Variants in CASP9 observed in about 807,000 individuals in gnomAD.
The protein encoded by CASP9 is caspase 9, also known as caspase-9.
Under a neutral mutation model 43.5 loss-of-function variants are expected in CASP9, and 29 were observed. The ratio of observed to expected loss-of-function variants is 0.67; its 90% confidence interval spans 0.50 to 0.91. The LOEUF is 0.91. CASP9 is among the 40% of genes least tolerant of loss of function. The probability of loss-of-function intolerance (pLI) is 0.00; values close to 1 mark genes in which losing one functional copy is unlikely to be tolerated. For missense variants in CASP9, 575 were observed against 537.4 expected, an observed-to-expected ratio of 1.07 and a Z score of -0.69; for synonymous variants, 206 against 211.9, an observed-to-expected ratio of 0.97 and a Z score of 0.24.
chr1:15,497,310 A>T (rs760749567), intron 6 of CASP9, among the ~76,000 whole-genome samples: 2 of 81,636 alleles, frequency 2.4e-5, no homozygotes, highest in Admixed American at 1.1e-4. Context: ...GACTCCATCT[A>T]AAAAAAAAAA....
chr1:15,502,251 T>C (rs1709356496), intron 6 of CASP9, among the ~76,000 whole-genome samples: 1 of 152,104 alleles, frequency 6.6e-6, no homozygotes, highest in African/African-American at 2.4e-5. Context: ...AAAGGCCAGC[T>C]AACCCTGACT....
Position 15,492,081 on chromosome 1 carries a change from G to C in CASP9, c.*862C>G, listed in dbSNP as rs1369448036. 6.6e-6 allele frequency: 1 copy of C among 152,090 alleles called. No individual in the cohort carries two copies. Among genetic ancestry groups the C allele is most frequent in the African/African-American group, 2.4e-5 (1 of 41,378 alleles). The allele number at this position is 152,090 out of a possible 1,614,324, so 9.4% of individuals were successfully genotyped here. ...AAATAAGACATGAATAAATGGGGCT[G>C]GGTGCAATGGTGCACGCCTGTAGTA... On this transcript the variant is annotated 3_prime_UTR_variant, in exon 9 of 9. Transcript: ENST00000333868.
chr1:15,501,151 T>C (rs1709314919), intron 6 of CASP9, among the ~76,000 whole-genome samples: 1 of 152,164 alleles, frequency 6.6e-6, no homozygotes, highest in Admixed American at 6.5e-5. Context: ...CTGCAGCATA[T>C]TGTCATTGCT....
chr1:15,498,306 T>G (rs565719490), intron 6 of CASP9, among the ~76,000 whole-genome samples: 11 of 152,100 alleles, frequency 7.2e-5, no homozygotes, highest in South Asian at 4.2e-4. Flanking sequence ...CTCAAACTCC[T>G]GGGCTCAAGC....
At chr1:15,494,724 G>T (rs575314793) in intron 7 of CASP9, among the ~76,000 whole-genome samples, 18 of 151,762 alleles carry the variant, frequency 1.2e-4, no homozygotes, top group Non-Finnish European at 2.2e-4. Flanking sequence ...TTAGCCAGGC[G>T]TGGTGGCAGG....
At chr1:15,514,161 A>T (rs1709868214) in intron 2 of CASP9, among the ~76,000 whole-genome samples, 1 of 152,114 alleles carries the variant, frequency 6.6e-6, no homozygotes, top group African/African-American at 2.4e-5. Context: ...GGGTTTTGGC[A>T]GCATCTCTGT....
At chr1:15,497,819 C>T (rs1709168729) in intron 6 of CASP9, among the ~76,000 whole-genome samples, 1 of 152,116 alleles carries the variant, frequency 6.6e-6, no homozygotes, top group South Asian at 2.1e-4. Context: ...ACACGAGAAT[C>T]TCAAGGGACC....
intron 6 of CASP9, among the ~76,000 whole-genome samples, chr1:15,499,977 G>A (rs1300792138): frequency 1.3e-5 from 2 of 152,162 alleles, no homozygotes; most frequent in African/African-American, 4.8e-5. Context: ...TGCCCCACAT[G>A]GCTCAGCTAC....
chr1:15,497,691 A>G (rs1356942746), intron 6 of CASP9, among the ~76,000 whole-genome samples: 2 of 152,092 alleles, frequency 1.3e-5, no homozygotes, highest in Non-Finnish European at 2.9e-5. Context: ...TCCTATGTTC[A>G]TGGATTAGAA....
At chr1:15,513,208 A>G (rs1709829514) in intron 2 of CASP9, among the ~76,000 whole-genome samples, 1 of 151,492 alleles carries the variant, frequency 6.6e-6, no homozygotes, top group Non-Finnish European at 1.5e-5. Flanking sequence ...TTGTCTGTGT[A>G]TATGTGCCAT....
At chr1:15,504,902 G>T in intron 5 of CASP9, 144 bp from the exon 6 acceptor site, 1 of 726,762 alleles carries the variant, frequency 1.4e-6, no homozygotes, top group East Asian at 2.7e-5. Flanking sequence ...GGTTGGTTCT[G>T]GAAAGACCCT....
intron 2 of CASP9, among the ~76,000 whole-genome samples, chr1:15,515,278 C>G (rs1054892602): frequency 2.0e-5 from 3 of 152,332 alleles, no homozygotes; most frequent in Non-Finnish European, 2.9e-5. Context: ...CAGAACCAGT[C>G]TTCTTCCTTA....
chr1:15,522,119 T>C (rs973092064), intron 1 of CASP9, among the ~76,000 whole-genome samples: 7 of 152,194 alleles, frequency 4.6e-5, no homozygotes, highest in Admixed American at 2.0e-4. Context: ...AATAACTTTA[T>C]AGAGTTAAAT....
At chr1:15,513,970 G>C (rs1253158226) in intron 2 of CASP9, among the ~76,000 whole-genome samples, 1 of 152,112 alleles carries the variant, frequency 6.6e-6, no homozygotes, top group Admixed American at 6.6e-5. Context: ...ATACATGTGA[G>C]GCACATAGAA....
chr1:15,505,557 G>A (rs1470986411), intron 5 of CASP9, among the ~76,000 whole-genome samples: 1 of 152,222 alleles, frequency 6.6e-6, no homozygotes, highest in Non-Finnish European at 1.5e-5. Context: ...CCCAGTAAGG[G>A]GTAAGGGCTT....
chr1:15,508,055 G>A, intron 2 of CASP9, 148 bp from the exon 3 acceptor site: 1 of 712,642 alleles, frequency 1.4e-6, no homozygotes. Context: ...TTGGAGATCT[G>A]TTTAGAGGTT....
chr1:15,524,190 G>A lies in CASP9; in HGVS notation c.11C>T (p.Ala4Val), dbSNP rs758586451. The A allele has an allele frequency of 1.9e-6, 3 of 1,545,996 alleles. No homozygotes were observed. The highest frequency in any genetic ancestry group is 1.4e-5 in the African/African-American group (1 of 73,294). MDE[A>V]DRRLLRRCRL... ...GCACCGCCGCAGGAGCCGCCGATCC[G>A]CTTCGTCCATGGCGAGTAGCCAACT... The change falls in exon 1 of 9, where the codon GCG becomes GTG. Residue 4 changes from alanine to valine, a missense_variant. Transcript: ENST00000333868.
Position 15,504,616 on chromosome 1 carries a change from C to A in CASP9, c.863G>T (p.Gly288Val), listed in dbSNP as rs1341481307. ...KPKLFFIQAC[G>V]GEQKDHGFEV... ...GAGGCTGAGGAGCTGCTTACCCCCA[C>A]CACAGGCCTGGATGAAAAAGAGCTT... Residue 288 changes from glycine (G) to valine (V), a missense_variant, in exon 6 of 9, where the codon GGT becomes GTT. Physicochemically the swap from Gly to Val is moderately radical, Grantham distance 109 (BLOSUM62 -3). Transcript: ENST00000333868. 6.2e-7 allele frequency: 1 copy of A among 1,612,526 alleles called. No homozygotes were observed. Among genetic ancestry groups the A allele is most frequent in the Non-Finnish European group, 8.5e-7 (1 of 1,179,250 alleles).
rs4646106 is a variant in CASP9 at position 15,491,654 on chromosome 1, T to A, written c.*1289A>T. ...ACACCTGTAGTCCAAGCTACTCAGG[T>A]GGCTGAGGTGGAAGGATCTCTTGAG... On this transcript the variant is annotated 3_prime_UTR_variant, in exon 9 of 9. Transcript: ENST00000333868. 0.26 allele frequency: 58,722 copies of A among 228,100 alleles called. 8,816 individuals are homozygous for A. Among genetic ancestry groups the A allele is most frequent in the African/African-American group, 0.43 (18,857 of 44,224 alleles). The allele number at this position is 228,100 out of a possible 1,614,324, so 14.1% of individuals were successfully genotyped here.
Sources: allele counts gnomAD v4.1 joint callset (sites outside exome capture counted in the v4.1 genomes callset), GRCh38; gene constraint gnomAD v4.1.1; transcripts MANE v1.5; gene names NCBI Gene and HGNC (gene_info 2026-07-23, HGNC 2026-07-21).